Variants in PTCH1 observed in about 807,000 individuals in gnomAD.
PTCH1 encodes protein patched homolog 1.
In PTCH1, 14 loss-of-function variants were observed where a neutral mutation model predicts 144.6. The ratio of observed to expected loss-of-function variants is 0.10; its 90% CI spans 0.06 to 0.15. The LOEUF (loss-of-function observed/expected upper bound fraction) is 0.15. PTCH1 is among the 10% of genes least tolerant of loss of function. The pLI is 1.00. For synonymous variants in PTCH1, 833 were observed against 793.6 expected (o/e 1.05, Z -0.83); for missense variants, 1,623 against 1,948.3 (o/e 0.83, Z 3.14).
rs770798142 is a variant in PTCH1 at position 95,476,182 on chromosome 9, C to G, written c.1603-23G>C. The G allele has an allele frequency of 2.1e-5, 34 of 1,604,644 alleles. 1 individual carries two copies. The Admixed American group carries it at 5.8e-4, about 27-fold the overall frequency. ...GTCCTGGGAATAAAAAAACACAGCG[C>G]TGAGAGCTGCACTGGACATGGTCCC... On this transcript the variant is annotated intron_variant, in intron 11 of 23. Coordinates refer to ENST00000331920, the MANE Select transcript of PTCH1 (RefSeq NM_000264.5). This position sits in a 1 kb window ranked among gnomAD's most constrained non-coding sequence, Gnocchi z 4.6.
rs757871338 is a variant in PTCH1 at position 95,473,992 on chromosome 9, T to C, written c.1728+2042A>G. The C allele has an allele frequency of 7.4e-5, 33 of 444,616 alleles. 1 individual carries two copies. The highest frequency in any genetic ancestry group is 5.1e-4 in the South Asian group (32 of 62,866). The allele number at this position is 444,616 out of a possible 1,614,324, so 27.5% of individuals were successfully genotyped here. ...CACAAAAACCAACAGTACTCATTTT[T>C]GTCTCTGTAAGGTGCTTACCTTGGG... On this transcript the variant is annotated intron_variant, in intron 12 of 23. Transcript: ENST00000331920.
Position 95,476,047 on chromosome 9 carries a change from G to T in PTCH1, c.1715C>A (p.Ala572Glu), listed in dbSNP as rs1485556285. The change falls in exon 12 of 24, where the codon GCG becomes GAG. Residue 572 changes from alanine to glutamate, a missense_variant. Ala to Glu is a moderately radical substitution (Grantham distance 107). Around this residue, in one of 7 missense-constraint regions of PTCH1, gnomAD observed 135 missense variants for 228.7 expected, o/e 0.59. Transcript: ENST00000331920. The surrounding 1 kb of genome is among the most constrained non-coding windows in gnomAD (Gnocchi z 4.6). Reference sequence around the variant, plus strand: ...CCAGAAGCTCACCTGGAGGGAGAACGCCCGCAGAGCGGGAATTGGGATTAA... The same window carrying T: ...CCAGAAGCTCACCTGGAGGGAGAACTCCCGCAGAGCGGGAATTGGGATTAA... Reference protein sequence around the residue: ...AALIPIPALRAFSLQAAVVVV... With the variant: ...AALIPIPALREFSLQAAVVVV... 6.2e-7 allele frequency: 1 copy of T among 1,613,814 alleles called. No individual in the cohort carries two copies. The highest frequency in any genetic ancestry group is 1.1e-5 in the South Asian group (1 of 91,048).
intron 15 of PTCH1, among the ~76,000 whole-genome samples, chr9:95,465,513 C>T (rs1482607922): frequency 6.6e-6 from 1 of 152,168 alleles, no homozygotes. Flanking sequence ...AAATAATAAT[C>T]ATGGCATGTT....
At chr9:95,466,970 G>T (rs1840055340) in intron 15 of PTCH1, 146 bp downstream of exon 15, 3 of 888,752 alleles carry the variant, frequency 3.4e-6, no homozygotes, top group Non-Finnish European at 5.2e-6. Context: ...AACAGTTCAT[G>T]TAAGAATCTT....
rs765440424 is a variant in PTCH1, at chr9:95,469,926, C to A, written c.1734G>T (p.Ala578=). Residue 578 remains alanine (A), a synonymous_variant, in exon 13 of 24, where the codon GCG becomes GCT. Coordinates refer to ENST00000331920, the MANE Select transcript of PTCH1 (RefSeq NM_000264.5). ...PALRAFSLQA[A]VVVVFNFAMV... ...TGGCAAAATTGAACACCACTACTAC[C>A]GCTGCCTGGGAGCAGAAAAAAAATT... 3 of 1,613,472 alleles carry A rather than the reference C, an allele frequency of 1.9e-6. No homozygotes were observed. The highest frequency in any genetic ancestry group is 2.2e-5 in the South Asian group (2 of 91,068).
In PTCH1 at chr9:95,468,778, A is replaced by G. The variant is rs1417061819; in HGVS notation, c.2223T>C (p.Ala741=). 6.2e-7 allele frequency: 1 copy of G among 1,614,054 alleles called. No homozygotes were observed. Among genetic ancestry groups the G allele is most frequent in the Admixed American group, 1.7e-5 (1 of 60,008 alleles). The change falls in exon 14 of 24, where the codon GCT becomes GCC. Residue 741 remains alanine, a synonymous_variant. Coordinates refer to ENST00000331920, the MANE Select transcript of PTCH1 (RefSeq NM_000264.5). ...TGGCTTTTGGTTTCAAGAGGAAAGG[A>G]GCATAGTGCTTCTCAGCAAAAGATG... ...TLSSFAEKHY[A]PFLLKPKAKV...
chr9:95,469,668 GCCTCTGT>G (rs1226298198), intron 13 of PTCH1, 138 bp downstream of exon 13: 2 of 854,694 alleles, frequency 2.3e-6, no homozygotes, highest in African/African-American at 3.3e-5. Context: ...TAGGGAAGCA[GCCTCTGT>G]CCAATCTCTC....
chr9:95,510,813 C>A (rs1166384297), upstream of PTCH1, among the ~76,000 whole-genome samples: 1 of 151,348 alleles, frequency 6.6e-6, no homozygotes, highest in East Asian at 2.0e-4. Context: ...GAAGGCGGAG[C>A]TCCGGTGGCC....
chr9:95,460,076 A>G, intron 16 of PTCH1: 1 of 450,116 alleles, frequency 2.2e-6, no homozygotes, highest in Non-Finnish European at 4.1e-6. Context: ...CAAGGCAGAG[A>G]ATGAACAATC....
chr9:95,453,289 G>A (rs2136629502), intron 20 of PTCH1, 189 bp downstream of exon 20: 13 of 739,628 alleles, frequency 1.8e-5, no homozygotes, highest in East Asian at 3.2e-5. Context: ...CCACCACCAC[G>A]CCCGGCTAAT....
chr9:95,516,503 G>A (rs1288813886), exon 1 of PTCH1: 3 of 1,536,750 alleles, frequency 2.0e-6, no homozygotes, highest in Non-Finnish European at 1.7e-6. Context: ...CGGAGCGCGG[G>A]TGCCGATGGC....
At chr9:95,507,905 TACACACACACACACGC>T in intron 1 of PTCH1, 3 of 1,286,198 alleles carry the variant, frequency 2.3e-6, no homozygotes, top group Non-Finnish European at 2.0e-6. Context: ...GGCGTGTGTA[TACACACACACACACGC>T]ACACACACAC....
chr9:95,506,923 CAG>C (rs1290064107), intron 1 of PTCH1: 1 of 1,077,800 alleles, frequency 9.3e-7, no homozygotes, highest in Non-Finnish European at 1.1e-6. Flanking sequence ...CCACTCGACA[CAG>C]ACAATATTCA....
intron 2 of PTCH1, among the ~76,000 whole-genome samples, chr9:95,501,670 GC>G (rs1020646928): frequency 1.3e-5 from 2 of 152,160 alleles, no homozygotes; most frequent in African/African-American, 4.8e-5. Flanking sequence ...AGAAAAGGAG[GC>G]CAGGAGCTGG....
At chr9:95,500,292 A>T (rs1228282025) in intron 2 of PTCH1, among the ~76,000 whole-genome samples, 2 of 152,200 alleles carry the variant, frequency 1.3e-5, no homozygotes, top group African/African-American at 2.4e-5. Flanking sequence ...TCGCAGGGTC[A>T]ACTGCCCTGT....
intron 15 of PTCH1, among the ~76,000 whole-genome samples, chr9:95,463,601 C>A (rs1446470278): frequency 6.6e-6 from 1 of 152,218 alleles, no homozygotes; most frequent in African/African-American, 2.4e-5. Context: ...TTCATGATGT[C>A]ATGACGTGTC....
At chr9:95,485,421 T>A (rs1180305933) in intron 3 of PTCH1, among the ~76,000 whole-genome samples, 1 of 152,206 alleles carries the variant, frequency 6.6e-6, no homozygotes, top group African/African-American at 2.4e-5. Flanking sequence ...AGTCCCCAAG[T>A]GGCTCAGCGT....
Position 95,508,300 on chromosome 9 carries a change from A to G in PTCH1, c.62T>C (p.Ile21Thr). The G allele has an allele frequency of 6.9e-7, 1 of 1,446,450 alleles. No individual in the cohort carries two copies. Among genetic ancestry groups the G allele is most frequent in the Non-Finnish European group, 9.0e-7 (1 of 1,105,802 alleles). 89.6% of individuals were successfully genotyped at this position (1,446,450 alleles called of 1,614,324 possible). ...QDRGGGGSGC[I>T]GAPGRPAGGG... Reference sequence around the variant, plus strand: ...TCCAGCCGGCCGTCCCGGGGCACCGATACAGCCGCTGCCGCCGCCGCCGCG... The same window carrying G: ...TCCAGCCGGCCGTCCCGGGGCACCGGTACAGCCGCTGCCGCCGCCGCCGCG... The change falls in exon 1 of 24, where the codon ATC (isoleucine) becomes ACC (threonine). Residue 21 changes from isoleucine (I) to threonine (T), a missense_variant. Ile to Thr is a moderately conservative substitution (Grantham distance 89). Transcript: ENST00000331920.
chr9:95,446,496 CGA>C, intron 23 of PTCH1, 105 bp from the exon 24 acceptor site: 8 of 480,778 alleles, frequency 1.7e-5, no homozygotes, highest in Non-Finnish European at 3.3e-5. Flanking sequence ...TTAGAAATCA[CGA>C]GAGTGGGGTG....
Sources: allele counts gnomAD v4.1 joint callset (sites outside exome capture counted in the v4.1 genomes callset), GRCh38; gene constraint gnomAD v4.1.1; regional missense constraint gnomAD v4.1.1; non-coding constraint Gnocchi (gnomAD v3.1); transcripts MANE v1.5; gene names NCBI Gene and HGNC (gene_info 2026-07-23, HGNC 2026-07-21).